CLSTN1: variants seen among roughly 807,000 people sequenced by gnomAD.
CLSTN1 encodes calsyntenin 1, also known as calsyntenin-1.
In CLSTN1, 28 loss-of-function variants were observed where a neutral mutation model predicts 108.3. The observed-to-expected ratio is 0.26, with a 90% CI of 0.19 to 0.35. The LOEUF (loss-of-function observed/expected upper bound fraction) is 0.35, where lower values mean the gene tolerates loss of function less well. Among genes scored for constraint, CLSTN1 ranks in the 10% least tolerant of loss-of-function variants. The probability of loss-of-function intolerance (pLI) is 1.00; values close to 1 mark genes in which losing one functional copy is unlikely to be tolerated. For missense variants in CLSTN1, 1,157 were observed against 1,302.6 expected (o/e 0.89, Z 1.72); for synonymous variants, 524 against 534.9 (o/e 0.98, Z 0.28).
At chr1:9,739,200 A>T (rs1437059752) in intron 10 of CLSTN1, among the ~76,000 whole-genome samples, 1 of 152,184 alleles carries the variant, frequency 6.6e-6, no homozygotes, top group Admixed American at 6.5e-5. Flanking sequence ...TGTAGGCTAC[A>T]CACCACAGCA....
At chr1:9,775,902 G>A (rs1412887557) in intron 1 of CLSTN1, among the ~76,000 whole-genome samples, 3 of 152,068 alleles carry the variant, frequency 2.0e-5, no homozygotes, top group Non-Finnish European at 4.4e-5. Flanking sequence ...TCACGCTCAC[G>A]TGTAAGGCTC....
intron 1 of CLSTN1, among the ~76,000 whole-genome samples, chr1:9,796,641 G>A (rs192834791): frequency 1.4e-4 from 21 of 147,642 alleles, no homozygotes; most frequent in African/African-American, 3.6e-4. Flanking sequence ...CCAAGATCAC[G>A]CCACTGCACT....
chr1:9,786,648 CAAAAAA>C (rs36003203), intron 1 of CLSTN1, among the ~76,000 whole-genome samples: 1 of 37,080 alleles, frequency 2.7e-5, no homozygotes, highest in Non-Finnish European at 6.1e-5. Context: ...GACTCCGTCT[CAAAAAA>C]AAAAAAAAAA....
At chr1:9,795,942 A>T (rs928240151) in intron 1 of CLSTN1, among the ~76,000 whole-genome samples, 4 of 135,336 alleles carry the variant, frequency 3.0e-5, no homozygotes, top group Non-Finnish European at 6.3e-5. Context: ...GCAACAGAAC[A>T]AGACCCTGTC....
At chr1:9,786,022 G>GA in intron 1 of CLSTN1, among the ~76,000 whole-genome samples, 1 of 151,790 alleles carries the variant, frequency 6.6e-6, no homozygotes, top group East Asian at 2.0e-4. Context: ...CAAAAAATAG[G>GA]AAAAAATTAG....
chr1:9,824,304 G>T (rs943754032), upstream of CLSTN1: 2 of 151,990 alleles, frequency 1.3e-5, no homozygotes, highest in African/African-American at 4.8e-5. The surrounding 1 kb of genome is among the most constrained non-coding windows in gnomAD (Gnocchi z 5.0). Flanking sequence ...GCGCTCCCGG[G>T]CTCCTAAGGC....
chr1:9,768,251 T>C (rs1264397910), intron 2 of CLSTN1, among the ~76,000 whole-genome samples: 14 of 114,572 alleles, frequency 1.2e-4, no homozygotes, highest in African/African-American at 4.4e-4. Flanking sequence ...CTGTGTTCGG[T>C]AGCACCATAG....
intron 11 of CLSTN1, among the ~76,000 whole-genome samples, chr1:9,736,941 T>C (rs1650722618): frequency 1.3e-5 from 2 of 151,956 alleles, no homozygotes; most frequent in South Asian, 2.1e-4. Context: ...GGCATGGTGG[T>C]GCATGCCTGT....
At chr1:9,790,930 G>A (rs146315404) in intron 1 of CLSTN1, among the ~76,000 whole-genome samples, 3,190 of 151,216 alleles carry the variant, frequency 0.021, 69 homozygotes, top group South Asian at 0.033. Context: ...TCAGGAGATC[G>A]AGATCATCCT....
chr1:9,791,562 C>T (rs1653772077), intron 1 of CLSTN1, among the ~76,000 whole-genome samples: 1 of 148,846 alleles, frequency 6.7e-6, no homozygotes. Context: ...GATGGAGTCT[C>T]GCTCTGCCAC....
At chr1:9,778,111 T>C (rs561908899) in intron 1 of CLSTN1, among the ~76,000 whole-genome samples, 12 of 151,994 alleles carry the variant, frequency 7.9e-5, no homozygotes, top group Non-Finnish European at 1.5e-4. Flanking sequence ...CCCCATCTCA[T>C]AGGTCGTTGT....
At chr1:9,797,571 T>C (rs1471535169) in intron 1 of CLSTN1, among the ~76,000 whole-genome samples, 1 of 151,692 alleles carries the variant, frequency 6.6e-6, no homozygotes, top group Non-Finnish European at 1.5e-5. Flanking sequence ...AGCCCAGGAG[T>C]TGGAGGTTGC....
intron 3 of CLSTN1, among the ~76,000 whole-genome samples, chr1:9,756,162 A>G (rs1263496266): frequency 3.3e-5 from 5 of 152,258 alleles, no homozygotes; most frequent in African/African-American, 2.4e-5. Context: ...TGTATTTCAC[A>G]TGAAAATAAG....
chr1:9,775,118 T>A (rs910345659), intron 1 of CLSTN1, among the ~76,000 whole-genome samples: 1 of 152,162 alleles, frequency 6.6e-6, no homozygotes, highest in Non-Finnish European at 1.5e-5. Context: ...GGCTTCTTTA[T>A]GGCAACCTGT....
chr1:9,776,073 A>G (rs956863184), intron 1 of CLSTN1, among the ~76,000 whole-genome samples: 1 of 151,912 alleles, frequency 6.6e-6, no homozygotes, highest in Non-Finnish European at 1.5e-5. Flanking sequence ...CTCAGGTTCA[A>G]GCAATTCTCC....
intron 16 of CLSTN1, 87 bp downstream of exon 16, chr1:9,733,314 G>C: frequency 6.6e-7 from 1 of 1,519,880 alleles, no homozygotes; most frequent in Non-Finnish European, 9.1e-7. Context: ...ATGCTCTGAG[G>C]TTGGCGTTTG....
At position 9,763,862 on chromosome 1, in the gene CLSTN1, A is replaced by G. The variant is rs112790823; in HGVS notation, c.215-7352T>C. 9.2e-3 allele frequency among the ~76,000 whole-genome samples: 1,393 copies of G among 151,988 alleles called. 14 individuals are homozygous for G. The highest frequency in any genetic ancestry group is 0.043 in the East Asian group (220 of 5,152). On this transcript the variant is annotated intron_variant, in intron 2 of 18. Transcript: ENST00000377298. ...GCAAACTCCACCCACCCTTTACAGG[A>G]CTCAAGCCCTGTAAACCACTGTAGA...
In CLSTN1 at chr1:9,812,671, A is replaced by G. The variant is rs139956147; in HGVS notation, c.91+10972T>C. On this transcript the variant is annotated intron_variant, in intron 1 of 18. Coordinates refer to ENST00000377298, the MANE Select transcript of CLSTN1 (RefSeq NM_001009566.3). ...AGACCAGCCTGACAAACATGGAGAAACCCCATCTCTACTAAAAATACAAAA... is the reference window on the plus strand; with the variant it reads ...AGACCAGCCTGACAAACATGGAGAAGCCCCATCTCTACTAAAAATACAAAA... Among the ~76,000 whole-genome samples the G allele has an allele frequency of 6.1e-3, 926 of 151,810 alleles. 12 individuals carry two copies. Among genetic ancestry groups the G allele is most frequent in the African/African-American group, 0.021 (879 of 41,374 alleles).
Position 9,751,561 on chromosome 1 carries a change from G to T in CLSTN1, c.561C>A (p.Ala187=). ...KQYDSILRVE[A]VDADCSPQFS... ...ACTGAGGGGAGCAGTCGGCATCCAC[G>T]GCCTCCACCCTCAAAATGCTGTCGT... is the stretch of plus-strand genomic sequence containing the variant. Residue 187 remains alanine (A), a synonymous_variant, in exon 5 of 19, where the codon GCC becomes GCA. Coordinates refer to ENST00000377298, the MANE Select transcript of CLSTN1 (RefSeq NM_001009566.3). 6.2e-7 allele frequency: 1 copy of T among 1,614,088 alleles called. No homozygotes were observed.
Sources: gnomAD v4.1 joint callset for allele counts (sites outside exome capture counted in the v4.1 genomes callset) on GRCh38, gnomAD v4.1.1 for gene constraint, Gnocchi (gnomAD v3.1) non-coding constraint, MANE v1.5 for transcripts, NCBI Gene and HGNC (gene_info 2026-07-23, HGNC 2026-07-21) for gene names.